The following CCDC14 variants were observed in gnomAD, a reference collection of about 807,000 sequenced individuals.
CCDC14 encodes coiled-coil domain-containing protein 14.
In CCDC14, 71 loss-of-function variants were observed where a neutral mutation model predicts 81.4. The observed-to-expected ratio is 0.87, with a 90% CI of 0.72 to 1.06. CCDC14 has a LOEUF of 1.06. CCDC14 is among the 50% of genes least tolerant of loss of function. The pLI, the probability that CCDC14 is intolerant of heterozygous loss-of-function variation, is 0.00. For missense variants in CCDC14, 1,046 were observed against 1,047.3 expected, an observed-to-expected ratio of 1.00 and a Z score of 0.02; for synonymous variants, 332 against 364.8, an observed-to-expected ratio of 0.91 and a Z score of 1.03.
At chr3:123,887,481 A>AACAAC in the CCDC14 span, among the ~76,000 whole-genome samples, 22 of 8,540 alleles carry the variant, frequency 2.6e-3, no homozygotes, top group African/African-American at 0.015. Context: ...CAACAACAAC[A>AACAAC]AAAAAAAAAA....
intron 5 of CCDC14, chr3:123,955,294 T>C (rs2037258745): frequency 6.6e-6 from 1 of 152,042 alleles, no homozygotes; most frequent in East Asian, 1.9e-4. Context: ...TAATCAAAAC[T>C]TTCTTGTTCT....
At chr3:123,894,051 T>C (rs1460136338), downstream of CCDC14, among the ~76,000 whole-genome samples, 1 of 152,192 alleles carries the variant, frequency 6.6e-6, no homozygotes. Flanking sequence ...AAATCCAATA[T>C]TTCATAAAAA....
intron 12 of CCDC14, chr3:123,930,901 T>TA: frequency 1.9e-6 from 1 of 516,526 alleles, no homozygotes; most frequent in East Asian, 3.4e-5. Flanking sequence ...CACATGGTTT[T>TA]AAAAAAACAT....
At chr3:123,929,308 ATATT>A (rs113023764) in intron 12 of CCDC14, among the ~76,000 whole-genome samples, 160 of 152,026 alleles carry the variant, frequency 1.1e-3, no homozygotes, top group African/African-American at 3.5e-3. Context: ...TTATTTTAAT[ATATT>A]TATTTATTAT....
At chr3:123,941,916 TA>T (rs1430155377) in intron 9 of CCDC14, among the ~76,000 whole-genome samples, 1 of 152,094 alleles carries the variant, frequency 6.6e-6, no homozygotes. Context: ...GTGACAATGT[TA>T]AAATACAATA....
chr3:123,898,884 G>GTTTTTT (rs10675830), intron 5 of CCDC14, among the ~76,000 whole-genome samples: 2 of 139,598 alleles, frequency 1.4e-5, no homozygotes. Flanking sequence ...TTGTTTGGTT[G>GTTTTTT]TTTTTTTTTT....
chr3:123,908,159 AAG>A (rs2034362005), intron 5 of CCDC14, among the ~76,000 whole-genome samples: 1 of 152,200 alleles, frequency 6.6e-6, no homozygotes, highest in South Asian at 2.1e-4. Flanking sequence ...GTAAAAAAGA[AAG>A]AGCAACCCAA....
At chr3:123,908,668 T>C (rs1460515018), downstream of CCDC14, among the ~76,000 whole-genome samples, 1 of 151,726 alleles carries the variant, frequency 6.6e-6, no homozygotes, top group Non-Finnish European at 1.5e-5. Flanking sequence ...TTGAGAGAAG[T>C]TGCTTTAAGT....
chr3:123,897,472 G>A (rs2034087993), downstream of CCDC14: 1 of 243,920 alleles, frequency 4.1e-6, no homozygotes, highest in African/African-American at 2.3e-5. Flanking sequence ...GGTGACTGAA[G>A]TTGAAGTGGG....
At chr3:123,889,994 G>T in the CCDC14 span, among the ~76,000 whole-genome samples, 2 of 152,164 alleles carry the variant, frequency 1.3e-5, no homozygotes, top group African/African-American at 4.8e-5. Context: ...CATATGGCTG[G>T]GGAGGCCTCA....
At chr3:123,959,739 A>G (rs541422666) in intron 1 of CCDC14, among the ~76,000 whole-genome samples, 1 of 129,138 alleles carries the variant, frequency 7.7e-6, no homozygotes, top group East Asian at 5.6e-4. Context: ...ACCAAGATCT[A>G]GGTACTAGAT....
rs763535409 is a variant in CCDC14 at position 123,915,719 on chromosome 3, C to T, written c.1779-1G>A. The T allele has an allele frequency of 6.9e-6, 11 of 1,597,416 alleles. No homozygotes were observed. Among genetic ancestry groups the T allele is most frequent in the Non-Finnish European group, 9.4e-6 (11 of 1,172,380 alleles). On this transcript the variant is annotated splice_acceptor_variant, in intron 12 of 12. Transcript: ENST00000409697. LOFTEE classifies it high-confidence loss of function. Reference sequence around the variant, plus strand: ...CTTTGCCATGCTAGTCTGTAAAGTTCTGTTAAGAAGAATCCAGAACACTAA... The same window carrying T: ...CTTTGCCATGCTAGTCTGTAAAGTTTTGTTAAGAAGAATCCAGAACACTAA...
chr3:123,943,719 T>G (rs946415128), intron 9 of CCDC14, among the ~76,000 whole-genome samples: 1 of 152,120 alleles, frequency 6.6e-6, no homozygotes, highest in Admixed American at 6.6e-5. Flanking sequence ...GACTATCCAA[T>G]GAAGCCTCCA....
intron 5 of CCDC14, among the ~76,000 whole-genome samples, chr3:123,898,437 G>T (rs2034113259): frequency 6.6e-6 from 1 of 152,102 alleles, no homozygotes; most frequent in South Asian, 2.1e-4. Context: ...ATTCTGCATT[G>T]CCTCTTTTTT....
At chr3:123,927,318 G>A (rs1426063867) in intron 12 of CCDC14, among the ~76,000 whole-genome samples, 1 of 151,902 alleles carries the variant, frequency 6.6e-6, no homozygotes, top group Non-Finnish European at 1.5e-5. Context: ...TTGGGAGCCT[G>A]AAGTGGGAAG....
At chr3:123,906,320 A>G (rs1208354087) in intron 5 of CCDC14, among the ~76,000 whole-genome samples, 1 of 151,758 alleles carries the variant, frequency 6.6e-6, no homozygotes, top group Admixed American at 6.6e-5. Flanking sequence ...ACAGAGCGAG[A>G]CTCCATCTCC....
chr3:123,939,246 G>A (rs1410094477), intron 9 of CCDC14, among the ~76,000 whole-genome samples: 2 of 151,722 alleles, frequency 1.3e-5, no homozygotes, highest in Admixed American at 1.3e-4. Flanking sequence ...CCCTGGCAAC[G>A]AAAATCACCG....
rs1170196608 is a variant in CCDC14, at chr3:123,955,957, T to C, written c.238A>G (p.Thr80Ala). 4 of 1,527,310 alleles carry C rather than the reference T, an allele frequency of 2.6e-6. No homozygotes were observed. The African/African-American group carries it at 4.2e-5, about 16-fold the overall frequency. 94.6% of individuals were successfully genotyped at this position (1,527,310 alleles called of 1,614,324 possible). Residue 80 changes from threonine (T) to alanine (A), a missense_variant, in exon 5 of 13, where the codon ACA (threonine) becomes GCA (alanine). Transcript: ENST00000409697. ...TTAGATCTGTTTTCTAAATATGCTG[T>C]TTCTGAACCTATTAATAAAACAAAA... The part of the protein sequence containing the change: ...ILRNEDSGSE[T>A]AYLENRSNSR...
the CCDC14 span, among the ~76,000 whole-genome samples, chr3:123,888,875 A>C: frequency 6.6e-6 from 1 of 152,104 alleles, no homozygotes; most frequent in African/African-American, 2.4e-5. Context: ...CAAATCATAT[A>C]ATTCCACCCC....
Sources: allele counts gnomAD v4.1 joint callset (sites outside exome capture counted in the v4.1 genomes callset), GRCh38; gene constraint gnomAD v4.1.1; transcripts MANE v1.5; gene names NCBI Gene and HGNC (gene_info 2026-07-23, HGNC 2026-07-21).